The following DPP6 variants were observed in gnomAD, a reference collection of about 807,000 sequenced individuals.
DPP6 encodes the protein A-type potassium channel modulatory protein DPP6.
Under a neutral mutation model 122.6 loss-of-function variants are expected in DPP6, and 69 were observed. The ratio of observed to expected loss-of-function variants is 0.56; its 90% confidence interval spans 0.46 to 0.69. DPP6 has a LOEUF of 0.69. Among genes scored for constraint, DPP6 ranks in the 30% least tolerant of loss-of-function variants. The probability of loss-of-function intolerance (pLI) is 0.00; values close to 1 mark genes in which losing one functional copy is unlikely to be tolerated. For missense variants in DPP6, 928 were observed against 1,116.9 expected (o/e 0.83, Z 2.41); for synonymous variants, 418 against 433.1 (o/e 0.97, Z 0.43).
At chr7:154,264,062 C>T (rs1024572786) in intron 1 of DPP6, among the ~76,000 whole-genome samples, 1 of 152,130 alleles carries the variant, frequency 6.6e-6, no homozygotes, top group Admixed American at 6.6e-5. Context: ...AAATAACTTA[C>T]ATGGCCAACT....
chr7:154,829,595 A>G (rs754629949), intron 16 of DPP6, among the ~76,000 whole-genome samples: 16 of 152,136 alleles, frequency 1.1e-4, no homozygotes, highest in Non-Finnish European at 2.4e-4. Context: ...TTCCAAGCAA[A>G]TTGGGAGTCA....
intron 1 of DPP6, among the ~76,000 whole-genome samples, chr7:154,410,412 G>A (rs900934876): frequency 2.0e-5 from 3 of 152,172 alleles, no homozygotes; most frequent in Non-Finnish European, 2.9e-5. Context: ...AAATATTTCC[G>A]ATTCAGTATT....
At chr7:154,060,715 AGGGGGG>A (rs1481599207) in intron 1 of DPP6, among the ~76,000 whole-genome samples, 2 of 35,032 alleles carry the variant, frequency 5.7e-5, no homozygotes, top group African/African-American at 2.7e-4. Flanking sequence ...CCCCCATCGC[AGGGGGG>A]GAGGCACCCC....
intron 5 of DPP6, among the ~76,000 whole-genome samples, chr7:154,626,419 C>T (rs1835069837): frequency 6.6e-6 from 1 of 152,144 alleles, no homozygotes; most frequent in African/African-American, 2.4e-5. Context: ...CGGTTTTAAT[C>T]ATCTTGTTAT....
chr7:154,083,386 C>G (rs1475304929), intron 1 of DPP6, among the ~76,000 whole-genome samples: 1 of 152,026 alleles, frequency 6.6e-6, no homozygotes, highest in African/African-American at 2.4e-5. Context: ...ATTTATCTCT[C>G]TTCAGGTACC....
chr7:154,031,383 G>T (rs1799220756), intron 1 of DPP6, among the ~76,000 whole-genome samples: 1 of 150,396 alleles, frequency 6.6e-6, no homozygotes. Context: ...TGAACTTAAA[G>T]AAACAAAAAG....
At chr7:153,833,995 T>C in the DPP6 span, among the ~76,000 whole-genome samples, 4 of 152,098 alleles carry the variant, frequency 2.6e-5, no homozygotes, top group Non-Finnish European at 4.4e-5. Context: ...TGGTTAATAG[T>C]GTGAGTATGG....
At chr7:154,659,450 G>A (rs566034692) in intron 6 of DPP6, among the ~76,000 whole-genome samples, 1 of 152,294 alleles carries the variant, frequency 6.6e-6, no homozygotes, top group South Asian at 2.1e-4. Flanking sequence ...ATATTGCATG[G>A]TCAAATTATT....
intron 1 of DPP6, among the ~76,000 whole-genome samples, chr7:154,136,142 A>G (rs1795546317): frequency 6.6e-6 from 1 of 151,642 alleles, no homozygotes; most frequent in Admixed American, 6.6e-5. Context: ...ATTTCTTCCT[A>G]AATACCACTG....
intron 3 of DPP6, among the ~76,000 whole-genome samples, chr7:154,539,133 A>C (rs1828501665): frequency 6.6e-6 from 1 of 152,312 alleles, no homozygotes; most frequent in Admixed American, 6.5e-5. Flanking sequence ...AAATGCCTTT[A>C]CCATCAAACT....
chr7:154,060,329 AGG>A (rs1466558618), intron 1 of DPP6, among the ~76,000 whole-genome samples: 2,489 of 46,206 alleles, frequency 0.054, 112 homozygotes, highest in Non-Finnish European at 0.074. Context: ...CCATCGCAGG[AGG>A]GGGAGGCACC....
chr7:154,595,672 A>C (rs1051400908), intron 5 of DPP6, among the ~76,000 whole-genome samples: 6 of 152,228 alleles, frequency 3.9e-5, no homozygotes, highest in Non-Finnish European at 7.3e-5. Context: ...CATTCAGCAG[A>C]GGGAAAAGTA....
chr7:154,372,655 C>T (rs1376035331), intron 1 of DPP6, among the ~76,000 whole-genome samples: 7 of 152,160 alleles, frequency 4.6e-5, no homozygotes, highest in Non-Finnish European at 1.0e-4. Context: ...TTGACATGCT[C>T]AAAATTTAAT....
chr7:154,556,866 C>A (rs1028115365), intron 4 of DPP6, among the ~76,000 whole-genome samples: 2 of 152,068 alleles, frequency 1.3e-5, no homozygotes, highest in Non-Finnish European at 2.9e-5. Flanking sequence ...AAGCCTGAAA[C>A]CAAGGCCTGC....
chr7:154,437,928 C>T, intron 1 of DPP6, among the ~76,000 whole-genome samples: 1 of 151,962 alleles, frequency 6.6e-6, no homozygotes, highest in East Asian at 1.9e-4. Context: ...CAGTGAGACT[C>T]CATCTGAAAA....
At chr7:154,560,578 A>G (rs1830356994) in intron 4 of DPP6, among the ~76,000 whole-genome samples, 1 of 152,210 alleles carries the variant, frequency 6.6e-6, no homozygotes, top group Non-Finnish European at 1.5e-5. Context: ...ATAAAGACAT[A>G]GATTAAAATT....
chr7:154,228,732 A>T (rs2150845360), intron 1 of DPP6, among the ~76,000 whole-genome samples: 1 of 152,306 alleles, frequency 6.6e-6, no homozygotes, highest in East Asian at 1.9e-4. Context: ...TAAAATTAAA[A>T]ACATTAACTT....
At chr7:154,172,066 AAAAGGATGTGC>A (rs764210405) in intron 1 of DPP6, among the ~76,000 whole-genome samples, 3 of 152,118 alleles carry the variant, frequency 2.0e-5, no homozygotes, top group Non-Finnish European at 4.4e-5. Flanking sequence ...TCTGCTGTTG[AAAAGGATGTGC>A]CTCCCTTTCA....
intron 1 of DPP6, among the ~76,000 whole-genome samples, chr7:154,234,048 G>A (rs1269332129): frequency 6.6e-6 from 1 of 152,190 alleles, no homozygotes; most frequent in Non-Finnish European, 1.5e-5. Context: ...TTACTATTCA[G>A]TCAGCTATGG....
Sources: allele counts gnomAD v4.1 joint callset (sites outside exome capture counted in the v4.1 genomes callset), GRCh38; gene constraint gnomAD v4.1.1; transcripts MANE v1.5; gene names NCBI Gene and HGNC (gene_info 2026-07-23, HGNC 2026-07-21).